The following PRR16 variants were observed in gnomAD, a reference collection of about 807,000 sequenced individuals.
PRR16 encodes the protein proline rich 16, also known as protein Largen.
Under a neutral mutation model 18.2 loss-of-function variants are expected in PRR16, and 6 were observed. That is an observed-to-expected ratio of 0.33 (90% CI 0.18 to 0.65). The LOEUF (loss-of-function observed/expected upper bound fraction) is 0.65, where lower values mean the gene tolerates loss of function less well. PRR16 is among the 30% of genes least tolerant of loss of function. PRR16 has a pLI of 0.74. For synonymous variants in PRR16, 151 were observed against 147.8 expected, an observed-to-expected ratio of 1.02 and a Z score of -0.16; for missense variants, 412 against 376.6, an observed-to-expected ratio of 1.09 and a Z score of -0.78.
At chr5:120,560,559 C>G (rs1225027058) in intron 1 of PRR16, among the ~76,000 whole-genome samples, 3 of 151,766 alleles carry the variant, frequency 2.0e-5, no homozygotes, top group South Asian at 2.1e-4. Context: ...TGAGGATTTT[C>G]ACATCAATAT....
chr5:120,710,823 C>G, the PRR16 span: 1 of 152,138 alleles, frequency 6.6e-6, no homozygotes, highest in Non-Finnish European at 1.5e-5. Flanking sequence ...GGGTGTAATA[C>G]TGCCTCTTTG....
the PRR16 span, among the ~76,000 whole-genome samples, chr5:120,709,829 C>T: frequency 6.6e-6 from 1 of 152,142 alleles, no homozygotes; most frequent in African/African-American, 2.4e-5. Flanking sequence ...TTTTTTATTG[C>T]TCAATAATAT....
chr5:120,524,699 A>G (rs972034812), intron 1 of PRR16, among the ~76,000 whole-genome samples: 1 of 152,138 alleles, frequency 6.6e-6, no homozygotes, highest in Non-Finnish European at 1.5e-5. Flanking sequence ...TGTTTGTAAC[A>G]CAAAGAAGGG....
downstream of PRR16, among the ~76,000 whole-genome samples, chr5:120,691,343 T>C (rs920910899): frequency 6.6e-6 from 1 of 152,202 alleles, no homozygotes; most frequent in Non-Finnish European, 1.5e-5. Flanking sequence ...ATGTGTTTGA[T>C]CTTTGCAGAA....
chr5:120,753,342 C>G, the PRR16 span, among the ~76,000 whole-genome samples: 15,739 of 151,928 alleles, frequency 0.1, 1,035 homozygotes, highest in African/African-American at 0.18. Context: ...ACGTCTTTTG[C>G]ATGCTGCAAA....
the PRR16 span, among the ~76,000 whole-genome samples, chr5:120,754,434 G>A: frequency 4.6e-4 from 12 of 25,886 alleles, 1 homozygote; most frequent in East Asian, 2.9e-3. Context: ...ATAATATATA[G>A]TATATAGTAT....
At chr5:120,610,027 T>G (rs1448041454) in intron 1 of PRR16, among the ~76,000 whole-genome samples, 1 of 152,146 alleles carries the variant, frequency 6.6e-6, no homozygotes, top group African/African-American at 2.4e-5. Flanking sequence ...TAATCCCAGT[T>G]TTGTGTGGCA....
At chr5:120,634,253 A>G (rs1012255147) in intron 1 of PRR16, among the ~76,000 whole-genome samples, 2 of 152,174 alleles carry the variant, frequency 1.3e-5, no homozygotes, top group African/African-American at 4.8e-5. Context: ...ACAACCTATC[A>G]CTACTTCAAA....
intron 1 of PRR16, among the ~76,000 whole-genome samples, chr5:120,623,519 G>A (rs996785712): frequency 1.3e-5 from 2 of 152,224 alleles, no homozygotes; most frequent in South Asian, 4.2e-4. Context: ...GCAAAATGAG[G>A]ATTAATTGGT....
chr5:120,532,133 C>T (rs1437887362), intron 1 of PRR16, among the ~76,000 whole-genome samples: 1 of 152,064 alleles, frequency 6.6e-6, no homozygotes, highest in Non-Finnish European at 1.5e-5. Flanking sequence ...AAATCAAAAT[C>T]CTATGGGTTG....
chr5:120,685,848 T>A (rs1224893437), intron 1 of PRR16, 106 bp from the exon 2 acceptor site: 1 of 1,138,588 alleles, frequency 8.8e-7, no homozygotes, highest in African/African-American at 1.6e-5. Context: ...CAGTTCAATA[T>A]CAGTTAAGGC....
At chr5:120,710,160 A>C in the PRR16 span, among the ~76,000 whole-genome samples, 1 of 152,110 alleles carries the variant, frequency 6.6e-6, no homozygotes, top group Non-Finnish European at 1.5e-5. Flanking sequence ...TTTTTGATAA[A>C]AGCCGTTTTG....
At chr5:120,738,401 ATT>A in the PRR16 span, among the ~76,000 whole-genome samples, 1 of 151,830 alleles carries the variant, frequency 6.6e-6, no homozygotes. Flanking sequence ...TGAAAAAAAA[ATT>A]TTTTATTTAA....
At chr5:120,753,256 ACAAT>A in the PRR16 span, among the ~76,000 whole-genome samples, 1 of 152,032 alleles carries the variant, frequency 6.6e-6, no homozygotes, top group Non-Finnish European at 1.5e-5. Flanking sequence ...TTTGAATCTG[ACAAT>A]CAGTCACTCA....
chr5:120,754,558 A>G, the PRR16 span, among the ~76,000 whole-genome samples: 1 of 77,240 alleles, frequency 1.3e-5, no homozygotes, highest in Non-Finnish European at 2.3e-5. Context: ...TATAATATAT[A>G]TTATATAATA....
chr5:120,493,481 C>G (rs1038944167), intron 1 of PRR16, among the ~76,000 whole-genome samples: 4 of 151,978 alleles, frequency 2.6e-5, no homozygotes, highest in Admixed American at 6.6e-5. Context: ...ATTTTGAGAT[C>G]ATTGTAGATT....
chr5:120,775,427 AAAT>A, the PRR16 span, among the ~76,000 whole-genome samples: 12 of 152,030 alleles, frequency 7.9e-5, no homozygotes, highest in Non-Finnish European at 1.6e-4. Flanking sequence ...TCTACACCCT[AAAT>A]AATAATCAAA....
chr5:120,554,414 A>G (rs1752347571), intron 1 of PRR16, among the ~76,000 whole-genome samples: 1 of 151,948 alleles, frequency 6.6e-6, no homozygotes, highest in African/African-American at 2.4e-5. Flanking sequence ...ACATTTTTTA[A>G]ACAAAACTAG....
the PRR16 span, among the ~76,000 whole-genome samples, chr5:120,763,187 C>T: frequency 6.6e-6 from 1 of 151,970 alleles, no homozygotes; most frequent in African/African-American, 2.4e-5. Context: ...CACTCTGTCA[C>T]CCAGGCTGGA....
Sources: gnomAD v4.1 joint callset for allele counts (sites outside exome capture counted in the v4.1 genomes callset) on GRCh38, gnomAD v4.1.1 for gene constraint, MANE v1.5 for transcripts, NCBI Gene and HGNC (gene_info 2026-07-23, HGNC 2026-07-21) for gene names.